EZH2: variants seen among roughly 807,000 people sequenced by gnomAD.
EZH2 encodes the protein enhancer of zeste 2 polycomb repressive complex 2 subunit, also known as histone-lysine N-methyltransferase EZH2.
A neutral mutation model predicts 98.4 loss-of-function variants in EZH2; 18 were observed. The observed-to-expected ratio is 0.18, with a 90% confidence interval of 0.13 to 0.27. The LOEUF (loss-of-function observed/expected upper bound fraction) is 0.27, where lower values mean the gene tolerates loss of function less well. Among genes scored for constraint, EZH2 ranks in the 10% least tolerant of loss-of-function variants. The pLI, the probability that EZH2 is intolerant of heterozygous loss-of-function variation, is 1.00. For synonymous variants in EZH2, 338 were observed against 312.3 expected (o/e 1.08, Z -0.87); for missense variants, 470 against 935.1 (o/e 0.50, Z 6.49).
chr7:148,812,198 G>A lies in EZH2; in HGVS notation c.1852-478C>T, dbSNP rs142108066. On this transcript the variant is annotated intron_variant, in intron 15 of 19. Transcript: ENST00000320356. ...GGACACCCCCTGATTCTTCACTGGC[G>A]TTGGTTCCCTCTGAAGCCCATAGCA... Among the ~76,000 whole-genome samples, 587 of 152,130 alleles carry A rather than the reference G, an allele frequency of 3.9e-3. 5 individuals are homozygous for A. Among genetic ancestry groups the A allele is most frequent in the African/African-American group, 0.014 (563 of 41,500 alleles).
rs143698756 is a variant in EZH2 at position 148,813,901 on chromosome 7, A to G, written c.1851+58T>C. On this transcript the variant is annotated intron_variant, in intron 15 of 19. Transcript: ENST00000320356. ...CTAAATCATCTAAGGCAATCCTGAC[A>G]TTTGCATCACTAAATAGCTAACTAC... is the stretch of plus-strand genomic sequence containing the variant. 6,911 of 1,541,214 alleles carry G rather than the reference A, an allele frequency of 4.5e-3. 19 individuals carry two copies. Among genetic ancestry groups the G allele is most frequent in the Middle Eastern group, 0.011 (66 of 5,746 alleles).
chr7:148,846,662 C>T, intron 2 of EZH2, 64 bp from the exon 3 acceptor site: 2 of 1,443,524 alleles, frequency 1.4e-6, no homozygotes. Context: ...TGTATAACAC[C>T]TGTAAAGCAG....
chr7:148,851,069 A>T (rs1815634971), intron 1 of EZH2, among the ~76,000 whole-genome samples: 2 of 152,140 alleles, frequency 1.3e-5, no homozygotes, highest in South Asian at 4.1e-4. Flanking sequence ...AAAACAAGCA[A>T]ACAAACAGGT....
intron 8 of EZH2, among the ~76,000 whole-genome samples, chr7:148,821,576 G>A (rs1001287553): frequency 2.0e-5 from 3 of 152,164 alleles, no homozygotes; most frequent in African/African-American, 7.2e-5. Flanking sequence ...TGTAATTCCA[G>A]CACTTTGGGA....
intron 8 of EZH2, among the ~76,000 whole-genome samples, chr7:148,824,347 A>C (rs1436607198): frequency 6.6e-6 from 1 of 152,074 alleles, no homozygotes; most frequent in Non-Finnish European, 1.5e-5. Context: ...AACAACAAAA[A>C]AGAAACAGTC....
chr7:148,846,729 G>T (rs1378584345), intron 2 of EZH2, 131 bp from the exon 3 acceptor site: 1 of 745,764 alleles, frequency 1.3e-6, no homozygotes, highest in Admixed American at 2.9e-5. Flanking sequence ...GGTGCATATA[G>T]ATTTTACACT....
At chr7:148,876,600 CTTCTT>C (rs10596414) in intron 1 of EZH2, among the ~76,000 whole-genome samples, 25,789 of 151,988 alleles carry the variant, frequency 0.17, 2,274 homozygotes, top group East Asian at 0.25. Context: ...AGGATGTTCA[CTTCTT>C]TTCAGGAGAG....
rs750852762 is a variant in EZH2 at position 148,829,855 on chromosome 7, G to GA, written c.364-8dup. On this transcript the variant is annotated splice_region_variant and splice_polypyrimidine_tract_variant and intron_variant, in intron 4 of 19. Coordinates refer to ENST00000320356, the MANE Select transcript of EZH2 (RefSeq NM_004456.5). Reference sequence around the variant, plus strand: ...AAACAGTTTCATCTTCCACCTAAAAGAAAAAAATATATTTAAAAAGCAGGT... The same window carrying GA: ...AAACAGTTTCATCTTCCACCTAAAAGAAAAAAAATATATTTAAAAAGCAGGT... 1.6e-5 allele frequency: 25 copies of GA among 1,537,564 alleles called. No homozygotes were observed. The African/African-American group carries it at 2.2e-4, about 14-fold the overall frequency.
chr7:148,807,827 A>AC, intron 19 of EZH2, 121 bp from the exon 20 acceptor site: 4 of 671,568 alleles, frequency 6.0e-6, no homozygotes, highest in Middle Eastern at 2.7e-4. Flanking sequence ...AAAAAAAAAA[A>AC]AAAAAAAAAC....
intron 1 of EZH2, among the ~76,000 whole-genome samples, chr7:148,870,932 G>GAA (rs879933799): frequency 7.6e-5 from 6 of 79,134 alleles, no homozygotes; most frequent in Non-Finnish European, 1.1e-4. Context: ...TTGTCTCAAA[G>GAA]AAAAAAAAAA....
chr7:148,817,779 A>G lies in EZH2; in HGVS notation c.1240+98T>C, dbSNP rs1218606853. On this transcript the variant is annotated intron_variant, in intron 10 of 19. Coordinates refer to ENST00000320356, the MANE Select transcript of EZH2 (RefSeq NM_004456.5). The stretch of plus-strand genomic sequence containing the variant: ...TAACTCTGGTCTTTATACTGAAACT[A>G]ACCAACTAAGAAAATTATTCAATGC... 3.3e-6 allele frequency: 5 copies of G among 1,515,926 alleles called. No homozygotes were observed. In the East Asian group the frequency reaches 9.0e-5, roughly 27 times the overall value. 93.9% of individuals were successfully genotyped at this position (1,515,926 alleles called of 1,614,324 possible). A position where few individuals can be genotyped will look rare whatever the true frequency, so the allele number is the denominator to read the frequency against.
chr7:148,809,448 G>A (rs1802433751), intron 17 of EZH2, 58 bp from the exon 18 acceptor site: 3 of 1,390,680 alleles, frequency 2.2e-6, no homozygotes, highest in East Asian at 2.3e-5. Context: ...AGTAAACCAA[G>A]TTATTATGAT....
chr7:148,852,935 T>G (rs1004898197), intron 1 of EZH2, among the ~76,000 whole-genome samples: 2 of 152,166 alleles, frequency 1.3e-5, no homozygotes, highest in African/African-American at 4.8e-5. Flanking sequence ...AAGACTCAAG[T>G]CCCTGATATA....
intron 7 of EZH2, 141 bp downstream of exon 7, chr7:148,827,023 A>C (rs902066586): frequency 1.6e-6 from 1 of 615,418 alleles, no homozygotes; most frequent in Non-Finnish European, 2.9e-6. Flanking sequence ...CCACAAGTAC[A>C]CATGTTGCTT....
intron 1 of EZH2, among the ~76,000 whole-genome samples, chr7:148,876,535 T>A (rs17171139): frequency 0.011 from 1,631 of 152,318 alleles, 27 homozygotes; most frequent in African/African-American, 0.037. Context: ...ATGTTCATAA[T>A]CTTGAAAGAG....
chr7:148,846,607 A>C lies in EZH2; in HGVS notation c.118-9T>G, dbSNP rs1356111028. The C allele has an allele frequency of 6.2e-6, 10 of 1,609,058 alleles. No homozygotes were observed. Among genetic ancestry groups the C allele is most frequent in the Non-Finnish European group, 7.6e-6 (9 of 1,177,358 alleles). ...TTGGAACTAAACATACTCTTAAAAA[A>C]AAAAATGAAGGAGAGGAAAGGAGAA... On this transcript the variant is annotated splice_polypyrimidine_tract_variant and intron_variant, in intron 2 of 19. Coordinates refer to ENST00000320356, the MANE Select transcript of EZH2 (RefSeq NM_004456.5).
At chr7:148,870,731 A>G (rs564085250) in intron 1 of EZH2, among the ~76,000 whole-genome samples, 1 of 151,704 alleles carries the variant, frequency 6.6e-6, no homozygotes, top group East Asian at 1.9e-4. Context: ...TCATCTTATT[A>G]CCAGCCAGGC....
intron 3 of EZH2, among the ~76,000 whole-genome samples, chr7:148,838,886 T>C (rs1346378968): frequency 6.6e-6 from 1 of 151,968 alleles, no homozygotes; most frequent in African/African-American, 2.4e-5. Context: ...AACCCTGTCT[T>C]TACTAAAATA....
intron 3 of EZH2, among the ~76,000 whole-genome samples, chr7:148,840,209 C>G (rs1812077567): frequency 6.6e-6 from 1 of 152,064 alleles, no homozygotes; most frequent in Non-Finnish European, 1.5e-5. Flanking sequence ...TACAGAATTA[C>G]TCAAAAGATG....
Sources: allele counts gnomAD v4.1 joint callset (sites outside exome capture counted in the v4.1 genomes callset), GRCh38; gene constraint gnomAD v4.1.1; transcripts MANE v1.5; gene names NCBI Gene and HGNC (gene_info 2026-07-23, HGNC 2026-07-21).